Variants in CAMTA1 observed in about 807,000 individuals in gnomAD.
CAMTA1 encodes calmodulin-binding transcription activator 1.
Under a neutral mutation model 170.9 loss-of-function variants are expected in CAMTA1, and 27 were observed. The observed-to-expected ratio is 0.16, with a 90% CI of 0.12 to 0.22. The LOEUF (loss-of-function observed/expected upper bound fraction) is 0.22, where lower values mean the gene tolerates loss of function less well. CAMTA1 is among the 10% of genes least tolerant of loss of function. The pLI, the probability that CAMTA1 is intolerant of heterozygous loss-of-function variation, is 1.00. For missense variants in CAMTA1, 1,619 were observed against 2,217.2 expected (o/e 0.73, Z 5.42); for synonymous variants, 833 against 891.5 (o/e 0.93, Z 1.17).
chr1:6,936,880 C>T (rs932236516), intron 3 of CAMTA1, among the ~76,000 whole-genome samples: 8 of 152,086 alleles, frequency 5.3e-5, no homozygotes, highest in African/African-American at 1.7e-4. Flanking sequence ...CCCAGCCACT[C>T]GGGAGGCTGA....
chr1:7,530,192 C>T (rs2094475098), intron 6 of CAMTA1, among the ~76,000 whole-genome samples: 1 of 152,238 alleles, frequency 6.6e-6, no homozygotes, highest in Non-Finnish European at 1.5e-5. Context: ...GTGGGCACAG[C>T]CCGTGCACAG....
chr1:6,958,293 C>T (rs547462596), intron 3 of CAMTA1, among the ~76,000 whole-genome samples: 26 of 152,330 alleles, frequency 1.7e-4, no homozygotes, highest in African/African-American at 6.0e-4. Context: ...AAACTCCAGA[C>T]GCTGCACAAA....
intron 3 of CAMTA1, among the ~76,000 whole-genome samples, chr1:7,085,925 C>T (rs1260289233): frequency 2.0e-5 from 3 of 152,188 alleles, no homozygotes; most frequent in Admixed American, 6.5e-5. Flanking sequence ...GGTGCAGCAT[C>T]GCAGTCCCCA....
intron 1 of CAMTA1, among the ~76,000 whole-genome samples, chr1:6,795,844 A>G (rs1322069054): frequency 6.6e-6 from 1 of 152,218 alleles, no homozygotes; most frequent in African/African-American, 2.4e-5. Flanking sequence ...CTTCTGGCAC[A>G]TGCACAAATC....
At chr1:7,314,768 C>G (rs1434812210) in intron 5 of CAMTA1, among the ~76,000 whole-genome samples, 1 of 152,168 alleles carries the variant, frequency 6.6e-6, no homozygotes, top group African/African-American at 2.4e-5. Context: ...CAGAGTTCCC[C>G]CTCTGGAACA....
At chr1:6,944,358 C>T (rs539114854) in intron 3 of CAMTA1, among the ~76,000 whole-genome samples, 3 of 152,224 alleles carry the variant, frequency 2.0e-5, no homozygotes, top group African/African-American at 7.2e-5. Flanking sequence ...CAGGTCAGTC[C>T]GTGACAGTCC....
At chr1:7,600,628 G>A (rs898670059) in intron 6 of CAMTA1, among the ~76,000 whole-genome samples, 52 of 151,808 alleles carry the variant, frequency 3.4e-4, no homozygotes, top group African/African-American at 1.2e-3. Context: ...AGGACCCTGC[G>A]GCCTTCCAAA....
intron 4 of CAMTA1, among the ~76,000 whole-genome samples, chr1:7,188,476 T>C (rs1038368512): frequency 1.3e-5 from 2 of 152,138 alleles, no homozygotes; most frequent in African/African-American, 4.8e-5. Context: ...TCCCTCCCTC[T>C]CCCCTAACCC....
At chr1:7,535,462 A>C (rs1230959234) in intron 6 of CAMTA1, among the ~76,000 whole-genome samples, 1 of 152,176 alleles carries the variant, frequency 6.6e-6, no homozygotes, top group Admixed American at 6.5e-5. Context: ...GTCCTAAAGT[A>C]AAACTTGGAG....
intron 3 of CAMTA1, among the ~76,000 whole-genome samples, chr1:6,884,287 T>TAGAG (rs1401008054): frequency 2.1e-5 from 2 of 96,632 alleles, no homozygotes; most frequent in Non-Finnish European, 4.4e-5. Flanking sequence ...GCTTATTCTC[T>TAGAG]AGAGACACAC....
At chr1:7,106,883 C>T (rs910028522) in intron 4 of CAMTA1, among the ~76,000 whole-genome samples, 1 of 151,810 alleles carries the variant, frequency 6.6e-6, no homozygotes, top group Non-Finnish European at 1.5e-5. Flanking sequence ...AGGGAGGCAC[C>T]AGGATTAGAT....
intron 7 of CAMTA1, among the ~76,000 whole-genome samples, chr1:7,645,115 G>T (rs2148973099): frequency 6.6e-6 from 1 of 152,334 alleles, no homozygotes; most frequent in African/African-American, 2.4e-5. Context: ...AGGAGCTGAA[G>T]GGGGAGTCCT....
intron 3 of CAMTA1, among the ~76,000 whole-genome samples, chr1:6,931,642 G>T (rs1308830263): frequency 6.6e-6 from 1 of 152,184 alleles, no homozygotes; most frequent in Non-Finnish European, 1.5e-5. Flanking sequence ...TACCAATGAG[G>T]AAGTTGAGGC....
chr1:6,873,223 C>CT (rs1465027996), intron 3 of CAMTA1, among the ~76,000 whole-genome samples: 2 of 150,904 alleles, frequency 1.3e-5, no homozygotes, highest in Admixed American at 6.6e-5. Flanking sequence ...TCAGGAGCAA[C>CT]TTTTTTGCTA....
intron 3 of CAMTA1, among the ~76,000 whole-genome samples, chr1:6,954,777 C>T (rs1021154995): frequency 1.3e-5 from 2 of 152,132 alleles, no homozygotes; most frequent in African/African-American, 4.8e-5. Context: ...GCCACGCAGG[C>T]AGGCACTTGT....
At chr1:7,359,087 G>T (rs765331020) in intron 5 of CAMTA1, among the ~76,000 whole-genome samples, 6 of 152,218 alleles carry the variant, frequency 3.9e-5, no homozygotes, top group Non-Finnish European at 8.8e-5. Flanking sequence ...AGGCTCACGT[G>T]CATAAGAGGG....
intron 4 of CAMTA1, among the ~76,000 whole-genome samples, chr1:7,096,321 G>T (rs1485113405): frequency 6.6e-6 from 1 of 152,082 alleles, no homozygotes; most frequent in Non-Finnish European, 1.5e-5. Context: ...CCCTGATGGT[G>T]GTGGACATCA....
At chr1:7,322,884 C>T (rs1678646250) in intron 5 of CAMTA1, among the ~76,000 whole-genome samples, 2 of 152,000 alleles carry the variant, frequency 1.3e-5, no homozygotes, top group South Asian at 4.1e-4. Flanking sequence ...TGCTTGTTTT[C>T]CATGTCATAA....
Position 7,249,729 on chromosome 1 carries a change from A to T in CAMTA1, c.438+103A>T, listed in dbSNP as rs989710690. 1.1e-5 allele frequency: 15 copies of T among 1,385,966 alleles called. No individual in the cohort carries two copies. The African/African-American group carries it at 2.0e-4, about 19-fold the overall frequency. 85.9% of individuals were successfully genotyped at this position (1,385,966 alleles called of 1,614,324 possible). Reference sequence around the variant, plus strand: ...ATTTGATGCGAGTCACCTCTGTCCAAAGAATTTTTGTTTGCCAAGACCCTG... The same window carrying T: ...ATTTGATGCGAGTCACCTCTGTCCATAGAATTTTTGTTTGCCAAGACCCTG... On this transcript the variant is annotated intron_variant, in intron 5 of 22. Coordinates refer to ENST00000303635, the MANE Select transcript of CAMTA1 (RefSeq NM_015215.4). The surrounding 1 kb of genome is among the most constrained non-coding windows in gnomAD (Gnocchi z 4.4).
Sources: gnomAD v4.1 joint callset for allele counts (sites outside exome capture counted in the v4.1 genomes callset) on GRCh38, gnomAD v4.1.1 for gene constraint, Gnocchi (gnomAD v3.1) non-coding constraint, MANE v1.5 for transcripts, NCBI Gene and HGNC (gene_info 2026-07-23, HGNC 2026-07-21) for gene names.